Variants in ARHGAP39 observed in about 807,000 individuals in gnomAD.
ARHGAP39 encodes the protein rho GTPase-activating protein 39.
In ARHGAP39, 44 loss-of-function variants were observed where a neutral mutation model predicts 106.9. The ratio of observed to expected loss-of-function variants is 0.41; its 90% confidence interval spans 0.32 to 0.53. The LOEUF (loss-of-function observed/expected upper bound fraction) is 0.53, where lower values mean the gene tolerates loss of function less well. Among genes scored for constraint, ARHGAP39 ranks in the 20% least tolerant of loss-of-function variants. The probability of loss-of-function intolerance (pLI) is 0.21; values close to 1 mark genes in which losing one functional copy is unlikely to be tolerated. For missense variants in ARHGAP39, 1,496 were observed against 1,577.3 expected, an observed-to-expected ratio of 0.95 and a Z score of 0.87; for synonymous variants, 768 against 693.2, an observed-to-expected ratio of 1.11 and a Z score of -1.69.
intron 1 of ARHGAP39, among the ~76,000 whole-genome samples, chr8:144,629,197 G>C (rs1006885041): frequency 6.6e-6 from 1 of 152,252 alleles, no homozygotes; most frequent in African/African-American, 2.4e-5. Flanking sequence ...GGTATCTTCT[G>C]TAACGGAAGG....
At chr8:144,603,134 T>C (rs1446726468) in intron 2 of ARHGAP39, among the ~76,000 whole-genome samples, 2 of 144,464 alleles carry the variant, frequency 1.4e-5, no homozygotes, top group African/African-American at 5.2e-5. Context: ...TGTGTGCTGG[T>C]GTACCTGTGT....
chr8:144,673,964 C>G (rs1322734476), intron 1 of ARHGAP39, among the ~76,000 whole-genome samples: 1 of 152,224 alleles, frequency 6.6e-6, no homozygotes, highest in Non-Finnish European at 1.5e-5. Flanking sequence ...GCACCTGCAT[C>G]TGGATGAGGG....
intron 2 of ARHGAP39, among the ~76,000 whole-genome samples, chr8:144,603,024 T>A (rs1318993593): frequency 4.7e-5 from 6 of 126,810 alleles, no homozygotes; most frequent in African/African-American, 2.1e-4. Flanking sequence ...AGCTCATGTA[T>A]CTGTGTGCGT....
chr8:144,557,672 C>T (rs199848931), intron 3 of ARHGAP39, among the ~76,000 whole-genome samples: 1 of 13,400 alleles, frequency 7.5e-5, no homozygotes, highest in Non-Finnish European at 2.1e-4. Context: ...AGAGGCAAAG[C>T]CTGAACCTTC....
chr8:144,545,397 C>CGGCG lies in ARHGAP39; in HGVS notation c.2372_2373insCGCC (p.Gln791HisfsTer49). 1 of 1,542,870 alleles carries CGGCG rather than the reference C, an allele frequency of 6.5e-7. No individual in the cohort carries two copies. The highest frequency in any genetic ancestry group is 1.6e-5 in the African/African-American group (1 of 60,646). ...TCTCCAGGCGGAAGTTCTCGGTGGT[C>CGGCG]TGCCGGCACAGCTGGATGTAGAGCT... On this transcript the variant is annotated frameshift_variant, in exon 6 of 12. Transcript: ENST00000377307. LOFTEE classifies it high-confidence loss of function.
At chr8:144,661,202 T>C (rs904670207) in intron 1 of ARHGAP39, among the ~76,000 whole-genome samples, 2 of 152,166 alleles carry the variant, frequency 1.3e-5, no homozygotes, top group African/African-American at 2.4e-5. Context: ...ACACAGGCAG[T>C]GTGGAGCAGA....
At chr8:144,648,145 T>A (rs538178877) in intron 1 of ARHGAP39, among the ~76,000 whole-genome samples, 1 of 152,252 alleles carries the variant, frequency 6.6e-6, no homozygotes, top group South Asian at 2.1e-4. Context: ...ATCCACAAGA[T>A]GGCACCAGCT....
intron 3 of ARHGAP39, among the ~76,000 whole-genome samples, chr8:144,576,332 C>CAAAAAA (rs67038997): frequency 1.1e-4 from 7 of 63,808 alleles, no homozygotes; most frequent in Non-Finnish European, 1.5e-4. Context: ...GACTCCGTCT[C>CAAAAAA]AAAAAAAAAA....
intron 1 of ARHGAP39, among the ~76,000 whole-genome samples, chr8:144,652,739 G>A (rs913140094): frequency 7.9e-5 from 12 of 151,956 alleles, no homozygotes; most frequent in African/African-American, 1.2e-4. Context: ...GGAAACCAGC[G>A]GACACTAGGG....
intron 2 of ARHGAP39, among the ~76,000 whole-genome samples, chr8:144,598,399 G>C (rs967355983): frequency 6.6e-6 from 1 of 152,184 alleles, no homozygotes; most frequent in African/African-American, 2.4e-5. Flanking sequence ...TGAGCCCCAG[G>C]GAGGCTGGGA....
chr8:144,637,308 A>G (rs1446403051), intron 1 of ARHGAP39, among the ~76,000 whole-genome samples: 1 of 151,880 alleles, frequency 6.6e-6, no homozygotes, highest in Non-Finnish European at 1.5e-5. Flanking sequence ...TTTTCTTTTG[A>G]ACCCTACAAA....
rs1822338250 is a variant in ARHGAP39 at position 144,679,643 on chromosome 8, C to T, written c.-82+6043G>A. Among the ~76,000 whole-genome samples the T allele has an allele frequency of 6.6e-6, 1 of 152,206 alleles. No individual in the cohort carries two copies. Among genetic ancestry groups the T allele is most frequent in the African/African-American group, 2.4e-5 (1 of 41,456 alleles). On this transcript the variant is annotated intron_variant, in intron 1 of 11. Coordinates refer to ENST00000377307, the MANE Select transcript of ARHGAP39 (RefSeq NM_025251.3). The surrounding 1 kb of genome is among the most constrained non-coding windows in gnomAD (Gnocchi z 4.7). The stretch of plus-strand genomic sequence containing the variant: ...TCCCTAAACCATTAATCAGGACATC[C>T]CCTGCTCACAAAGCTGCCTGCGGTG...
chr8:144,548,059 C>T lies in ARHGAP39; in HGVS notation c.1027G>A (p.Gly343Ser), dbSNP rs756357950. 19 of 1,596,492 alleles carry T rather than the reference C, an allele frequency of 1.2e-5. No homozygotes were observed. Among genetic ancestry groups the T allele is most frequent in the African/African-American group, 8.1e-5 (6 of 74,378 alleles). Residue 343 changes from glycine to serine, a missense_variant, in exon 5 of 12, where the codon GGC becomes AGC. Around this residue, in one of 4 missense-constraint regions of ARHGAP39, gnomAD observed 905 missense variants for 816.4 expected, o/e 1.11. Coordinates refer to ENST00000377307, the MANE Select transcript of ARHGAP39 (RefSeq NM_025251.3). The surrounding 1 kb of genome is among the most constrained non-coding windows in gnomAD (Gnocchi z 7.4). ...CGGCCCGGCGACCGCTGGGGAGAGC[C>T]GGCCTGGTAGCCCCCGCCAGCCTCG... ...QFEAGGGYQAGSPQRSPGRKP... is the reference protein window; with the variant it reads ...QFEAGGGYQASSPQRSPGRKP...
intron 2 of ARHGAP39, among the ~76,000 whole-genome samples, chr8:144,583,867 T>C (rs1054096575): frequency 7.9e-5 from 12 of 152,332 alleles, no homozygotes; most frequent in African/African-American, 2.9e-4. Flanking sequence ...CAATGAATCT[T>C]TCCAAGTGTC....
Position 144,644,886 on chromosome 8 carries a change from A to G in ARHGAP39, c.-81-39191T>C, listed in dbSNP as rs184439926. On this transcript the variant is annotated intron_variant, in intron 1 of 11. Coordinates refer to ENST00000377307, the MANE Select transcript of ARHGAP39 (RefSeq NM_025251.3). The surrounding 1 kb of genome is among the most constrained non-coding windows in gnomAD (Gnocchi z 4.8). ...GAGCTGTGCTGCCTCCTCAGAACTC[A>G]ATTTCATCTCATCAGACTCTGCCCC... Among the ~76,000 whole-genome samples, 45 of 152,306 alleles carry G rather than the reference A, an allele frequency of 3.0e-4. No homozygotes were observed. The highest frequency in any genetic ancestry group is 6.5e-4 in the Admixed American group (10 of 15,306).
At chr8:144,597,463 C>T (rs1297656115) in intron 2 of ARHGAP39, among the ~76,000 whole-genome samples, 2 of 152,220 alleles carry the variant, frequency 1.3e-5, no homozygotes, top group Non-Finnish European at 2.9e-5. Context: ...CAGCGAGCTG[C>T]CAGGAAGCCA....
intron 2 of ARHGAP39, among the ~76,000 whole-genome samples, chr8:144,600,259 C>T (rs561334670): frequency 2.4e-5 from 3 of 125,354 alleles, no homozygotes; most frequent in East Asian, 5.0e-4. Context: ...TGTGCGTGTG[C>T]GTGGGGGTGT....
chr8:144,607,231 G>C (rs1306136508), intron 1 of ARHGAP39, among the ~76,000 whole-genome samples: 1 of 109,694 alleles, frequency 9.1e-6, no homozygotes, highest in Non-Finnish European at 1.7e-5. Flanking sequence ...GCGAGACATT[G>C]TCTCAAAAAA....
rs1276071649 is a variant in ARHGAP39, at chr8:144,548,557, G to A, written c.597-68C>T. On this transcript the variant is annotated intron_variant, in intron 4 of 11. Transcript: ENST00000377307. The surrounding 1 kb of genome is among the most constrained non-coding windows in gnomAD (Gnocchi z 7.4). ...GCTTCTGGGCACGCCCCACCCCCTC[G>A]GGGGCTGTAGGCAGCGGCTCCCGCG... 2.0e-6 allele frequency: 3 copies of A among 1,536,910 alleles called. No homozygotes were observed. Among genetic ancestry groups the A allele is most frequent in the East Asian group, 2.3e-5 (1 of 43,216 alleles).
Sources: gnomAD v4.1 joint callset for allele counts (sites outside exome capture counted in the v4.1 genomes callset) on GRCh38, gnomAD v4.1.1 for gene constraint, gnomAD v4.1.1 regional missense constraint, Gnocchi (gnomAD v3.1) non-coding constraint, MANE v1.5 for transcripts, NCBI Gene and HGNC (gene_info 2026-07-23, HGNC 2026-07-21) for gene names.